The following SH3RF1 variants were observed in gnomAD, a reference collection of about 807,000 sequenced individuals.
SH3RF1 encodes the protein E3 ubiquitin-protein ligase SH3RF1.
A neutral mutation model predicts 74.0 loss-of-function variants in SH3RF1; 32 were observed. The observed-to-expected ratio is 0.43, with a 90% CI of 0.33 to 0.58. The LOEUF (loss-of-function observed/expected upper bound fraction) is 0.58. Among genes scored for constraint, SH3RF1 ranks in the 20% least tolerant of loss-of-function variants. The probability of loss-of-function intolerance (pLI) is 0.05; values close to 1 mark genes in which losing one functional copy is unlikely to be tolerated. For missense variants in SH3RF1, 954 were observed against 1,130.9 expected (o/e 0.84, Z 2.24); for synonymous variants, 396 against 439.6 (o/e 0.90, Z 1.24).
chr4:169,148,833 A>G (rs1247582515), intron 4 of SH3RF1, among the ~76,000 whole-genome samples: 1 of 152,198 alleles, frequency 6.6e-6, no homozygotes, highest in African/African-American at 2.4e-5. Context: ...AGCTTTCTAT[A>G]CAGACAAAGA....
intron 10 of SH3RF1, among the ~76,000 whole-genome samples, chr4:169,107,794 G>A (rs552182972): frequency 1.3e-5 from 2 of 152,204 alleles, no homozygotes; most frequent in Non-Finnish European, 2.9e-5. Context: ...CTCACATGTC[G>A]CCACCTTGAT....
chr4:169,119,754 G>A (rs1733406933), intron 8 of SH3RF1, among the ~76,000 whole-genome samples: 1 of 152,154 alleles, frequency 6.6e-6, no homozygotes, highest in African/African-American at 2.4e-5. Flanking sequence ...TATAAATCAA[G>A]GCCAACAGCT....
intron 2 of SH3RF1, among the ~76,000 whole-genome samples, chr4:169,225,481 G>A (rs1876398): frequency 0.25 from 37,434 of 152,016 alleles, 4,999 homozygotes; most frequent in Non-Finnish European, 0.31. Flanking sequence ...ATGAGGAAGG[G>A]AAGTCATTTC....
intron 3 of SH3RF1, 138 bp from the exon 4 acceptor site, chr4:169,155,713 C>A: frequency 1.5e-6 from 1 of 662,068 alleles, no homozygotes; most frequent in Non-Finnish European, 2.6e-6. Context: ...ATCTTTAGTA[C>A]ATGGATTAAA....
intron 2 of SH3RF1, among the ~76,000 whole-genome samples, chr4:169,191,534 G>A (rs966833465): frequency 1.3e-5 from 2 of 151,992 alleles, no homozygotes; most frequent in African/African-American, 4.8e-5. Context: ...TGAGGAATTA[G>A]AAAAAACAAT....
At chr4:169,148,750 T>C (rs1350052311) in intron 4 of SH3RF1, among the ~76,000 whole-genome samples, 1 of 152,144 alleles carries the variant, frequency 6.6e-6, no homozygotes, top group African/African-American at 2.4e-5. Flanking sequence ...ATAGAATTTG[T>C]TTTGTTGCAT....
chr4:169,122,343 G>A (rs1455581180), intron 6 of SH3RF1, 77 bp from the exon 7 acceptor site: 21 of 1,435,332 alleles, frequency 1.5e-5, no homozygotes, highest in Non-Finnish European at 1.9e-5. Flanking sequence ...TGGAAGGTGG[G>A]AGAGAAAAAG....
Position 169,145,564 on chromosome 4 carries a change from A to AAT in SH3RF1, c.766-8946_766-8945dup, listed in dbSNP as rs901006724. 3.4e-4 allele frequency among the ~76,000 whole-genome samples: 51 copies of AAT among 148,050 alleles called. No individual in the cohort carries two copies. The East Asian group carries it at 7.6e-3, about 22-fold the overall frequency. On this transcript the variant is annotated intron_variant, in intron 4 of 11. Transcript: ENST00000284637. Reference sequence around the variant, plus strand: ...CACATGTACCCCCCGAATCTGTAAAAATATATATATATTATATATCATATA... The same window carrying AAT: ...CACATGTACCCCCCGAATCTGTAAAAATATATATATATATTATATATCATATA...
At chr4:169,143,679 C>G (rs529812314) in intron 4 of SH3RF1, among the ~76,000 whole-genome samples, 1 of 152,262 alleles carries the variant, frequency 6.6e-6, no homozygotes, top group African/African-American at 2.4e-5. Flanking sequence ...CAGGGAGGAA[C>G]ACGGACTCCT....
chr4:169,270,602 A>C (rs994840979), intron 1 of SH3RF1, among the ~76,000 whole-genome samples: 1 of 152,140 alleles, frequency 6.6e-6, no homozygotes, highest in Non-Finnish European at 1.5e-5. Flanking sequence ...GCCATCCGGG[A>C]AGCAGGGGGT....
intron 4 of SH3RF1, among the ~76,000 whole-genome samples, chr4:169,153,677 A>G (rs1734007545): frequency 6.6e-6 from 1 of 152,228 alleles, no homozygotes; most frequent in South Asian, 2.1e-4. Context: ...GCTCCCTACC[A>G]GGAAGTTCAA....
chr4:169,143,366 C>T (rs1228906019), intron 4 of SH3RF1, among the ~76,000 whole-genome samples: 1 of 151,934 alleles, frequency 6.6e-6, no homozygotes, highest in African/African-American at 2.4e-5. Flanking sequence ...TCTTTGAAAC[C>T]CGGTGCGAAC....
At chr4:169,174,521 A>C (rs1734384767) in intron 2 of SH3RF1, among the ~76,000 whole-genome samples, 1 of 152,154 alleles carries the variant, frequency 6.6e-6, no homozygotes, top group Non-Finnish European at 1.5e-5. Context: ...CCACACTTTG[A>C]GTAAAAGGGG....
chr4:169,213,108 C>A (rs1730407877), intron 2 of SH3RF1, among the ~76,000 whole-genome samples: 1 of 152,156 alleles, frequency 6.6e-6, no homozygotes, highest in African/African-American at 2.4e-5. Context: ...AAGAGACTGC[C>A]AAATTGTCTT....
At chr4:169,237,773 A>G (rs1730843032) in intron 2 of SH3RF1, among the ~76,000 whole-genome samples, 1 of 152,210 alleles carries the variant, frequency 6.6e-6, no homozygotes, top group Non-Finnish European at 1.5e-5. Context: ...AAGACTGAAA[A>G]GAGTATACCC....
intron 2 of SH3RF1, chr4:169,217,161 CAAA>C (rs563116493): frequency 2.1e-4 from 15 of 70,656 alleles, no homozygotes; most frequent in Non-Finnish European, 2.8e-4. Flanking sequence ...GACCCTGTCT[CAAA>C]AAAAAAAAAA....
intron 2 of SH3RF1, among the ~76,000 whole-genome samples, chr4:169,247,989 C>T (rs1731032397): frequency 1.3e-5 from 2 of 152,210 alleles, no homozygotes; most frequent in African/African-American, 4.8e-5. Context: ...CTGGAAACCA[C>T]AGATGCTGGC....
chr4:169,225,052 AC>A (rs1340999757), intron 2 of SH3RF1, among the ~76,000 whole-genome samples: 4 of 152,212 alleles, frequency 2.6e-5, no homozygotes, highest in Non-Finnish European at 4.4e-5. Context: ...GAGACCAATT[AC>A]CACATGCCTG....
At chr4:169,190,314 T>C (rs189283670) in intron 2 of SH3RF1, among the ~76,000 whole-genome samples, 110 of 152,208 alleles carry the variant, frequency 7.2e-4, no homozygotes, top group African/African-American at 2.5e-3. Flanking sequence ...ATCAAATTGA[T>C]AGACCATTAG....
Sources: gnomAD v4.1 joint callset for allele counts (sites outside exome capture counted in the v4.1 genomes callset) on GRCh38, gnomAD v4.1.1 for gene constraint, MANE v1.5 for transcripts, NCBI Gene and HGNC (gene_info 2026-07-23, HGNC 2026-07-21) for gene names.